The following BICC1 variants were observed in gnomAD, a reference collection of about 807,000 sequenced individuals.
The protein encoded by BICC1 is protein bicaudal C homolog 1.
BICC1 carries 43 observed loss-of-function variants against 111.0 expected under a neutral mutation model. That is an observed-to-expected ratio of 0.39 (90% CI 0.30 to 0.50). The LOEUF (loss-of-function observed/expected upper bound fraction) is 0.50. Ranked by LOEUF, BICC1 falls within the 20% of genes least tolerant of loss-of-function variation. The pLI is 0.88. For missense variants in BICC1, 1,091 were observed against 1,203.2 expected (o/e 0.91, Z 1.38); for synonymous variants, 467 against 434.4 (o/e 1.07, Z -0.93).
In BICC1 at chr10:58,599,927, A is replaced by AGG. The variant is rs1176556534; in HGVS notation, c.191-20926_191-20925dup. 2.1e-3 allele frequency among the ~76,000 whole-genome samples: 171 copies of AGG among 80,276 alleles called. 1 individual carries two copies. Among genetic ancestry groups the AGG allele is most frequent in the African/African-American group, 6.0e-3 (160 of 26,646 alleles). 52.7% of individuals were successfully genotyped at this position (80,276 alleles called of 152,430 possible). A position where few individuals can be genotyped will look rare whatever the true frequency, so the allele number is the denominator to read the frequency against. On this transcript the variant is annotated intron_variant, in intron 1 of 20. Coordinates refer to ENST00000373886, the MANE Select transcript of BICC1 (RefSeq NM_001080512.3). ...TGTCTTTCACAAAATCTAACTAAAG[A>AGG]GGGTGTGTGTGTGTGTGTGTGTGTG...
At chr10:58,784,295 A>G (rs988455967) in intron 3 of BICC1, among the ~76,000 whole-genome samples, 1 of 152,228 alleles carries the variant, frequency 6.6e-6, no homozygotes, top group Non-Finnish European at 1.5e-5. Context: ...GTAGAAGTAC[A>G]GAAAAGATTT....
intron 2 of BICC1, among the ~76,000 whole-genome samples, chr10:58,649,506 G>A (rs1200338495): frequency 6.6e-6 from 1 of 152,142 alleles, no homozygotes; most frequent in African/African-American, 2.4e-5. Flanking sequence ...ATTTTCTCAT[G>A]TTAGTGAAGT....
At chr10:58,702,285 A>AT in intron 3 of BICC1, 142 bp downstream of exon 3, 1 of 556,626 alleles carries the variant, frequency 1.8e-6, no homozygotes, top group East Asian at 3.1e-5. Context: ...TTTCAGGAGG[A>AT]TTTTCATAAT....
chr10:58,751,820 A>C (rs1480591956), intron 3 of BICC1, among the ~76,000 whole-genome samples: 1 of 152,200 alleles, frequency 6.6e-6, no homozygotes, highest in African/African-American at 2.4e-5. Flanking sequence ...ATCCATTCAC[A>C]TGTAGGTTTG....
At chr10:58,692,479 A>C (rs1221950843) in intron 2 of BICC1, among the ~76,000 whole-genome samples, 1 of 152,214 alleles carries the variant, frequency 6.6e-6, no homozygotes, top group African/African-American at 2.4e-5. Flanking sequence ...ACAGCCTTTA[A>C]AATTTTTTGT....
In BICC1 at chr10:58,817,571, A is replaced by G. The variant is rs752496486; in HGVS notation, c.2543A>G (p.Tyr848Cys). ...KRKQNKSTEH[Y>C]LSSSNYMDCI... ...CTCCTTTGCCTTTCAGCGGAACACTATCTCAGCAGTAGCAATTACATGGAC... is the reference window on the plus strand; with the variant it reads ...CTCCTTTGCCTTTCAGCGGAACACTGTCTCAGCAGTAGCAATTACATGGAC... The change falls in exon 19 of 21, where the codon TAT (tyrosine) becomes TGT (cysteine). Residue 848 changes from tyrosine to cysteine, a missense_variant. Physicochemically the swap from Tyr to Cys is radical, Grantham distance 194. Transcript: ENST00000373886. The G allele has an allele frequency of 5.0e-6, 8 of 1,613,456 alleles. No individual in the cohort carries two copies. In the Admixed American group the frequency reaches 8.3e-5, roughly 17 times the overall value.
At chr10:58,687,369 C>T (rs1263225910) in intron 2 of BICC1, among the ~76,000 whole-genome samples, 1 of 152,210 alleles carries the variant, frequency 6.6e-6, no homozygotes, top group East Asian at 1.9e-4. Context: ...AAACTCCATG[C>T]TGGGAGAACC....
intron 1 of BICC1, among the ~76,000 whole-genome samples, chr10:58,555,590 T>A (rs1843429178): frequency 6.6e-6 from 1 of 152,136 alleles, no homozygotes; most frequent in African/African-American, 2.4e-5. Flanking sequence ...CTCACAATAA[T>A]GATTAGCAGT....
At chr10:58,712,777 A>G (rs992600798) in intron 3 of BICC1, among the ~76,000 whole-genome samples, 3 of 152,142 alleles carry the variant, frequency 2.0e-5, no homozygotes, top group Admixed American at 1.3e-4. Context: ...AATGGTGACT[A>G]TATGTCATTG....
At position 58,799,200 on chromosome 10, in the gene BICC1, G is replaced by C. The variant is rs774034324; in HGVS notation, c.1673G>C (p.Ser558Thr). The C allele has an allele frequency of 6.2e-7, 1 of 1,613,522 alleles. No individual in the cohort carries two copies. The highest frequency in any genetic ancestry group is 2.2e-5 in the East Asian group (1 of 44,762). ...ACTCCTGTTGATGTCCATATCAACA[G>C]TATGCAGACCGAAGGCAAAAAAATC... ...GLTPVDVHIN[S>T]MQTEGKKISA... The change falls in exon 12 of 21, where the codon AGT becomes ACT. Residue 558 changes from serine (S) to threonine (T), a missense_variant. Coordinates refer to ENST00000373886, the MANE Select transcript of BICC1 (RefSeq NM_001080512.3).
chr10:58,540,631 A>G (rs895503582), intron 1 of BICC1, among the ~76,000 whole-genome samples: 2 of 152,034 alleles, frequency 1.3e-5, no homozygotes, highest in Non-Finnish European at 2.9e-5. Context: ...AAGCCTCCTG[A>G]CAAAAGCCCA....
At chr10:58,623,145 C>T (rs1051594488) in intron 2 of BICC1, among the ~76,000 whole-genome samples, 6 of 151,834 alleles carry the variant, frequency 4.0e-5, no homozygotes, top group African/African-American at 1.5e-4. Flanking sequence ...TTTTTTGTAC[C>T]ATAAAAATAT....
chr10:58,793,372 G>A (rs1843239930), intron 8 of BICC1, 112 bp from the exon 9 acceptor site: 2 of 1,017,976 alleles, frequency 2.0e-6, no homozygotes, highest in East Asian at 2.6e-5. Flanking sequence ...TAATACTTCA[G>A]TTTAGTCTTT....
chr10:58,800,984 G>T lies in BICC1; in HGVS notation c.1953G>T (p.Lys651Asn), dbSNP rs1006683706. The T allele has an allele frequency of 6.2e-7, 1 of 1,612,112 alleles. No individual in the cohort carries two copies. The highest frequency in any genetic ancestry group is 1.1e-5 in the South Asian group (1 of 90,806). The stretch of plus-strand genomic sequence containing the variant: ...TGAAACAGATGATGTGTCCCTCCAA[G>T]GTTTCCTGTGCCAAAAGGCAGACAG... The part of the protein sequence containing the change: ...GDLKQMMCPS[K>N]VSCAKRQTVE... Residue 651 changes from lysine to asparagine, a missense_variant, in exon 14 of 21, where the codon AAG becomes AAT. Transcript: ENST00000373886.
At chr10:58,789,178 C>T (rs998193102) in intron 6 of BICC1, 84 bp from the exon 7 acceptor site, 3 of 1,182,826 alleles carry the variant, frequency 2.5e-6, no homozygotes, top group African/African-American at 3.1e-5. Context: ...AATCTATCTT[C>T]AGAAAAGAAC....
intron 1 of BICC1, among the ~76,000 whole-genome samples, chr10:58,533,469 AG>A (rs1213108146): frequency 6.6e-6 from 1 of 151,844 alleles, no homozygotes; most frequent in Non-Finnish European, 1.5e-5. Context: ...CAAGAAATAA[AG>A]TTCATATTTT....
At chr10:58,726,950 A>G (rs567930320) in intron 3 of BICC1, among the ~76,000 whole-genome samples, 3 of 152,304 alleles carry the variant, frequency 2.0e-5, no homozygotes, top group African/African-American at 7.2e-5. Context: ...CAGACTTTTG[A>G]GTCCAGGAGG....
chr10:58,552,187 C>T (rs1384208482), intron 1 of BICC1, among the ~76,000 whole-genome samples: 1 of 151,814 alleles, frequency 6.6e-6, no homozygotes, highest in Non-Finnish European at 1.5e-5. Context: ...TCTTGGTTAC[C>T]TACAGTGTTT....
chr10:58,556,821 G>A (rs907237984), intron 1 of BICC1, among the ~76,000 whole-genome samples: 6 of 151,864 alleles, frequency 4.0e-5, no homozygotes, highest in African/African-American at 1.5e-4. Context: ...GTCATATGAG[G>A]CTTCCATTTA....
Sources: gnomAD v4.1 joint callset for allele counts (sites outside exome capture counted in the v4.1 genomes callset) on GRCh38, gnomAD v4.1.1 for gene constraint, MANE v1.5 for transcripts, NCBI Gene and HGNC (gene_info 2026-07-23, HGNC 2026-07-21) for gene names.